Variants in HS3ST3A1 observed in about 807,000 individuals in gnomAD.
The protein encoded by HS3ST3A1 is heparan sulfate-glucosamine 3-sulfotransferase 3A1.
A neutral mutation model predicts 25.7 loss-of-function variants in HS3ST3A1; 19 were observed. The observed-to-expected ratio is 0.74, with a 90% CI of 0.52 to 1.08. The LOEUF is 1.08. Ranked by LOEUF, HS3ST3A1 falls within the 50% of genes least tolerant of loss-of-function variation. HS3ST3A1 has a pLI of 0.00. For missense variants in HS3ST3A1, 459 were observed against 594.3 expected (o/e 0.77, Z 2.37); for synonymous variants, 226 against 278.6 (o/e 0.81, Z 1.88).
At chr17:13,518,564 A>G (rs1906126577) in intron 1 of HS3ST3A1, among the ~76,000 whole-genome samples, 1 of 152,132 alleles carries the variant, frequency 6.6e-6, no homozygotes, top group Non-Finnish European at 1.5e-5. Flanking sequence ...TTTTTTCATC[A>G]GGAGTGGAAT....
At chr17:13,581,531 A>T (rs1490053679) in intron 1 of HS3ST3A1, among the ~76,000 whole-genome samples, 1 of 152,102 alleles carries the variant, frequency 6.6e-6, no homozygotes, top group Non-Finnish European at 1.5e-5. Context: ...TAATAAAATA[A>T]TATTTCTAAA....
chr17:13,521,802 A>G (rs1906253516), intron 1 of HS3ST3A1, among the ~76,000 whole-genome samples: 1 of 152,194 alleles, frequency 6.6e-6, no homozygotes, highest in Admixed American at 6.5e-5. Flanking sequence ...AAGTGTGTTT[A>G]CATCTGTGGA....
At chr17:13,580,574 C>A (rs1908083444) in intron 1 of HS3ST3A1, among the ~76,000 whole-genome samples, 1 of 151,924 alleles carries the variant, frequency 6.6e-6, no homozygotes, top group Non-Finnish European at 1.5e-5. Context: ...CAGCTTAAAG[C>A]CAGATTTTAG....
intron 1 of HS3ST3A1, among the ~76,000 whole-genome samples, chr17:13,586,787 A>G (rs983313482): frequency 1.4e-4 from 20 of 140,620 alleles, no homozygotes; most frequent in Admixed American, 5.1e-4. Flanking sequence ...GGAGAATGGC[A>G]TGAACCCAGG....
intron 1 of HS3ST3A1, among the ~76,000 whole-genome samples, chr17:13,517,844 A>G (rs1423773528): frequency 6.6e-6 from 1 of 152,146 alleles, no homozygotes; most frequent in Non-Finnish European, 1.5e-5. Context: ...GGGTTTTGCC[A>G]TGTTGGCTAG....
intron 1 of HS3ST3A1, among the ~76,000 whole-genome samples, chr17:13,560,318 A>AAAAAAAAAAAT (rs1598426570): frequency 6.9e-6 from 1 of 144,780 alleles, no homozygotes; most frequent in Non-Finnish European, 1.5e-5. Context: ...AAAAAAAAAA[A>AAAAAAAAAAAT]AGTGTATTAC....
intron 1 of HS3ST3A1, among the ~76,000 whole-genome samples, chr17:13,529,807 T>C (rs1218081343): frequency 6.6e-6 from 1 of 152,114 alleles, no homozygotes; most frequent in Non-Finnish European, 1.5e-5. Context: ...CAAAGTCTCC[T>C]TGTAAATGTT....
chr17:13,575,029 T>C (rs1303011890), intron 1 of HS3ST3A1, among the ~76,000 whole-genome samples: 1 of 75,654 alleles, frequency 1.3e-5, no homozygotes, highest in Non-Finnish European at 2.6e-5. Context: ...ACCTGGAATT[T>C]TTTCTCAGTC....
intron 1 of HS3ST3A1, among the ~76,000 whole-genome samples, chr17:13,506,162 T>C (rs1905669163): frequency 1.3e-5 from 2 of 151,716 alleles, no homozygotes; most frequent in African/African-American, 4.8e-5. Context: ...TTCTAAACTA[T>C]GACACAGATG....
At chr17:13,536,636 G>T (rs1261415156) in intron 1 of HS3ST3A1, among the ~76,000 whole-genome samples, 1 of 152,174 alleles carries the variant, frequency 6.6e-6, no homozygotes, top group Non-Finnish European at 1.5e-5. Context: ...GAAAGCTGCT[G>T]ATCACTTCCA....
rs763000768 is a variant in HS3ST3A1 at position 13,536,993 on chromosome 17, G to A, written c.600-40175C>T. Among the ~76,000 whole-genome samples the A allele has an allele frequency of 1.4e-3, 206 of 152,282 alleles. 3 individuals are homozygous for A. The highest frequency in any genetic ancestry group is 1.6e-4 in the Non-Finnish European group (11 of 68,022). ...TCCCACCTATGCTAAGTGACCTGAC[G>A]TAAGGTCTGCGAAGGACAGTACCTC... On this transcript the variant is annotated intron_variant, in intron 1 of 1. Transcript: ENST00000284110.
intron 1 of HS3ST3A1, among the ~76,000 whole-genome samples, chr17:13,584,321 C>T (rs922493018): frequency 6.6e-5 from 10 of 151,594 alleles, no homozygotes; most frequent in East Asian, 3.9e-4. Context: ...AAAATGTTCA[C>T]GAAAATTAAA....
At chr17:13,500,119 G>A (rs1905419415) in intron 1 of HS3ST3A1, among the ~76,000 whole-genome samples, 1 of 151,922 alleles carries the variant, frequency 6.6e-6, no homozygotes, top group South Asian at 2.1e-4. Context: ...CATTTTTATT[G>A]CAAATCTTAC....
chr17:13,591,997 A>G (rs977616567), intron 1 of HS3ST3A1, among the ~76,000 whole-genome samples: 1 of 152,132 alleles, frequency 6.6e-6, no homozygotes, highest in Non-Finnish European at 1.5e-5. Context: ...AAGGTCCAAG[A>G]TCAGAATGTC....
chr17:13,576,325 G>A (rs1038950770), intron 1 of HS3ST3A1, among the ~76,000 whole-genome samples: 2 of 152,182 alleles, frequency 1.3e-5, no homozygotes, highest in African/African-American at 2.4e-5. Context: ...TGAATAAGGT[G>A]GAAGAGTCAC....
At chr17:13,510,507 C>T (rs749161053) in intron 1 of HS3ST3A1, among the ~76,000 whole-genome samples, 5 of 152,168 alleles carry the variant, frequency 3.3e-5, no homozygotes, top group Non-Finnish European at 7.3e-5. Context: ...TGTTCATTCG[C>T]TATTTTTCTG....
intron 1 of HS3ST3A1, among the ~76,000 whole-genome samples, chr17:13,515,471 GTTTTTTT>G (rs33924561): frequency 3.7e-5 from 4 of 107,794 alleles, no homozygotes; most frequent in Non-Finnish European, 5.4e-5. Flanking sequence ...GTTTGTTTCA[GTTTTTTT>G]TTTTTTTTTT....
chr17:13,589,209 T>G lies in HS3ST3A1; in HGVS notation c.599+11322A>C, dbSNP rs183564345. On this transcript the variant is annotated intron_variant, in intron 1 of 1. Transcript: ENST00000284110. ...CCAATCTGTTTTTAAAAAGTCGATA[T>G]TCCAAGTTTCTTTAAAAAGTCAGAG... is the stretch of plus-strand genomic sequence containing the variant. 1.4e-3 allele frequency among the ~76,000 whole-genome samples: 206 copies of G among 152,342 alleles called. 2 individuals carry two copies. The highest frequency in any genetic ancestry group is 0.011 in the Admixed American group (165 of 15,296).
intron 1 of HS3ST3A1, among the ~76,000 whole-genome samples, chr17:13,547,736 A>G (rs1907126008): frequency 6.6e-6 from 1 of 152,136 alleles, no homozygotes; most frequent in Admixed American, 6.5e-5. Flanking sequence ...AGGGGTTATG[A>G]GAACCCTTGA....
Sources: allele counts gnomAD v4.1 joint callset (sites outside exome capture counted in the v4.1 genomes callset), GRCh38; gene constraint gnomAD v4.1.1; transcripts MANE v1.5; gene names NCBI Gene and HGNC (gene_info 2026-07-23, HGNC 2026-07-21).